Variants in SDK1 observed in about 807,000 individuals in gnomAD.
The protein encoded by SDK1 is sidekick cell adhesion molecule 1.
Under a neutral mutation model 245.5 loss-of-function variants are expected in SDK1, and 157 were observed. That is an observed-to-expected ratio of 0.64 (90% CI 0.56 to 0.73). The LOEUF (loss-of-function observed/expected upper bound fraction) is 0.73. Among genes scored for constraint, SDK1 ranks in the 30% least tolerant of loss-of-function variants. The pLI, the probability that SDK1 is intolerant of heterozygous loss-of-function variation, is 0.00. For missense variants in SDK1, 3,583 were observed against 3,002.3 expected (o/e 1.19, Z -4.52); for synonymous variants, 1,647 against 1,278.5 (o/e 1.29, Z -6.15).
intron 1 of SDK1, among the ~76,000 whole-genome samples, chr7:3,576,265 G>A (rs114526351): frequency 1.0e-3 from 153 of 152,196 alleles, no homozygotes; most frequent in Middle Eastern, 3.4e-3. Flanking sequence ...GCTCCTTGGC[G>A]TCACCGTTGT....
chr7:3,617,239 A>G (rs558910874), intron 1 of SDK1, among the ~76,000 whole-genome samples: 12 of 152,362 alleles, frequency 7.9e-5, no homozygotes, highest in African/African-American at 2.4e-4. Flanking sequence ...TTCATTCAAC[A>G]GATATTTATT....
chr7:4,000,751 C>A (rs762694323), intron 14 of SDK1, among the ~76,000 whole-genome samples: 1 of 152,212 alleles, frequency 6.6e-6, no homozygotes, highest in Non-Finnish European at 1.5e-5. Flanking sequence ...TTGAAACACA[C>A]CTCACACAGG....
At chr7:3,352,867 G>A (rs1241257832) in intron 1 of SDK1, among the ~76,000 whole-genome samples, 4 of 151,882 alleles carry the variant, frequency 2.6e-5, no homozygotes, top group African/African-American at 7.3e-5. Flanking sequence ...TGTATTTTCC[G>A]AAGAGTGGGA....
At chr7:3,982,152 A>G (rs1169638766) in intron 13 of SDK1, among the ~76,000 whole-genome samples, 4 of 152,226 alleles carry the variant, frequency 2.6e-5, no homozygotes, top group Non-Finnish European at 5.9e-5. Context: ...TGCTAAATCT[A>G]CTTTGCCTGT....
chr7:3,309,542 T>A (rs868626057), intron 1 of SDK1, among the ~76,000 whole-genome samples: 18 of 148,752 alleles, frequency 1.2e-4, no homozygotes, highest in South Asian at 4.3e-4. Flanking sequence ...TTTTTTTTTT[T>A]ACATGAGTGT....
intron 1 of SDK1, among the ~76,000 whole-genome samples, chr7:3,477,647 T>C (rs934982614): frequency 6.6e-6 from 1 of 151,476 alleles, no homozygotes; most frequent in Non-Finnish European, 1.5e-5. Context: ...CCTTAGTAGC[T>C]GGGACTTCAG....
chr7:3,982,415 C>A (rs1277426839), intron 13 of SDK1, among the ~76,000 whole-genome samples: 1 of 152,140 alleles, frequency 6.6e-6, no homozygotes, highest in Non-Finnish European at 1.5e-5. Context: ...GGACTTTTGA[C>A]CATCAAGTCC....
intron 44 of SDK1, among the ~76,000 whole-genome samples, chr7:4,248,379 C>T (rs371675464): frequency 1.5e-4 from 21 of 142,642 alleles, no homozygotes; most frequent in African/African-American, 5.1e-4. Flanking sequence ...CAACATACAC[C>T]TAAATACACA....
intron 4 of SDK1, among the ~76,000 whole-genome samples, chr7:3,694,088 C>T (rs1164311485): frequency 6.6e-6 from 1 of 152,148 alleles, no homozygotes; most frequent in Admixed American, 6.5e-5. Flanking sequence ...ACCTGTCTTG[C>T]CCAAAAGTGT....
intron 1 of SDK1, among the ~76,000 whole-genome samples, chr7:3,604,711 T>C (rs1306904806): frequency 6.6e-6 from 1 of 151,724 alleles, no homozygotes; most frequent in African/African-American, 2.4e-5. Flanking sequence ...CAAGTGATTC[T>C]GCTGCCTCAG....
intron 4 of SDK1, among the ~76,000 whole-genome samples, chr7:3,811,198 T>C (rs1404425698): frequency 6.6e-6 from 1 of 152,184 alleles, no homozygotes. Context: ...GATGTCAGAA[T>C]TGTTATCCCC....
intron 1 of SDK1, among the ~76,000 whole-genome samples, chr7:3,591,599 G>A (rs1018286681): frequency 4.0e-4 from 61 of 152,294 alleles, no homozygotes; most frequent in African/African-American, 1.4e-3. Context: ...TGCGACCAGT[G>A]CCTTTTTAGT....
At chr7:3,590,694 G>A (rs1480499213) in intron 1 of SDK1, among the ~76,000 whole-genome samples, 1 of 151,880 alleles carries the variant, frequency 6.6e-6, no homozygotes, top group African/African-American at 2.4e-5. Context: ...TACTTCACAA[G>A]GGAAACCTTA....
chr7:4,226,015 A>G (rs958068160), intron 40 of SDK1, among the ~76,000 whole-genome samples: 4 of 152,214 alleles, frequency 2.6e-5, no homozygotes, highest in African/African-American at 9.6e-5. Context: ...GCAGCAGCTC[A>G]GGCAAATGAA....
chr7:4,175,234 C>T (rs1036936398), intron 33 of SDK1, among the ~76,000 whole-genome samples: 3 of 152,234 alleles, frequency 2.0e-5, no homozygotes, highest in African/African-American at 7.2e-5. Context: ...GCACTGGTGT[C>T]TGCACTGTTG....
chr7:3,637,547 G>A (rs17133604), intron 2 of SDK1, among the ~76,000 whole-genome samples: 1 of 152,218 alleles, frequency 6.6e-6, no homozygotes, highest in Non-Finnish European at 1.5e-5. Context: ...CGCATTTCGA[G>A]TGGCGGTTGG....
chr7:3,581,972 G>T (rs1293998652), intron 1 of SDK1, among the ~76,000 whole-genome samples: 1 of 152,230 alleles, frequency 6.6e-6, no homozygotes, highest in East Asian at 1.9e-4. Context: ...GAGGGGAACA[G>T]ACACCGGGGC....
intron 22 of SDK1, among the ~76,000 whole-genome samples, chr7:4,109,505 C>T (rs1783190971): frequency 1.3e-5 from 2 of 152,244 alleles, no homozygotes; most frequent in African/African-American, 2.4e-5. Context: ...AGGCCCCAGG[C>T]CAATCCCACT....
In SDK1 at chr7:3,961,054, GT is replaced by G. The variant is rs915922020; in HGVS notation, c.1235-1596del. The stretch of plus-strand genomic sequence containing the variant: ...ACTCCCTTTGACAAGAGAAAGCTCT[GT>G]TTTTTTGCACGACTTCTGCAGGGTA... On this transcript the variant is annotated intron_variant, in intron 8 of 44. Coordinates refer to ENST00000404826, the MANE Select transcript of SDK1 (RefSeq NM_152744.4). 1.5e-3 allele frequency among the ~76,000 whole-genome samples: 224 copies of G among 152,290 alleles called. 1 individual carries two copies. The highest frequency in any genetic ancestry group is 5.3e-3 in the African/African-American group (220 of 41,566).
Sources: allele counts gnomAD v4.1 joint callset (sites outside exome capture counted in the v4.1 genomes callset), GRCh38; gene constraint gnomAD v4.1.1; transcripts MANE v1.5; gene names NCBI Gene and HGNC (gene_info 2026-07-23, HGNC 2026-07-21).